RAN: variants seen among roughly 807,000 people sequenced by gnomAD.
The protein encoded by RAN is RAN, member RAS oncogene family.
RAN carries 2 observed loss-of-function variants against 26.8 expected under a neutral mutation model. That is an observed-to-expected ratio of 0.07 (90% CI 0.03 to 0.23). The LOEUF (loss-of-function observed/expected upper bound fraction) is 0.23. Ranked by LOEUF, RAN falls within the 10% of genes least tolerant of loss-of-function variation. The pLI is 1.00. For missense variants in RAN, 56 were observed against 264.8 expected (o/e 0.21, Z 5.47); for synonymous variants, 132 against 95.9 (o/e 1.38, Z -2.20).
intron 4 of RAN, chr12:130,873,925 G>A (rs979105703): frequency 8.8e-6 from 2 of 226,040 alleles, no homozygotes; most frequent in Admixed American, 4.8e-5. Flanking sequence ...AACCTGGAGT[G>A]CAGCTTCCGC....
In RAN at chr12:130,872,094, T is replaced by C. The variant is rs992435428; in HGVS notation, c.-43T>C. ...TTGCGCTTCCGCCATCTTTCCAGCC[T>C]CAGTCGGACGGGCGCGGAGACGCTT... On this transcript the variant is annotated 5_prime_UTR_variant, in exon 1 of 7. Coordinates refer to ENST00000543796, the MANE Select transcript of RAN (RefSeq NM_006325.5). The C allele has an allele frequency of 2.2e-5, 7 of 320,844 alleles. No homozygotes were observed. The highest frequency in any genetic ancestry group is 4.0e-5 in the Non-Finnish European group (6 of 150,808). The allele number at this position is 320,844 out of a possible 1,614,324, so 19.9% of individuals were successfully genotyped here. A position where few individuals can be genotyped will look rare whatever the true frequency, so the allele number is the denominator to read the frequency against.
intron 4 of RAN, chr12:130,873,863 G>T (rs769722193): frequency 3.4e-4 from 60 of 178,376 alleles, no homozygotes; most frequent in Non-Finnish European, 6.2e-4. Flanking sequence ...GCTTTATCTG[G>T]GTTATTTATT....
In RAN at chr12:130,877,230, C is replaced by T. The variant is rs974782192; in HGVS notation, c.*1304C>T. 1.6e-4 allele frequency: 25 copies of T among 152,102 alleles called. No homozygotes were observed. The highest frequency in any genetic ancestry group is 3.2e-4 in the Non-Finnish European group (22 of 67,988). 9.4% of individuals were successfully genotyped at this position (152,102 alleles called of 1,614,324 possible). On this transcript the variant is annotated 3_prime_UTR_variant, in exon 7 of 7. Transcript: ENST00000543796. The stretch of plus-strand genomic sequence containing the variant: ...CTATAGTCCAGTTTACCAAAGTTTT[C>T]TTTAGATGTCTGATAATCTTGAGAT...
rs775629981 is a variant in RAN at position 130,875,868 on chromosome 12, A to G, written c.607-14A>G. The G allele has an allele frequency of 6.2e-6, 10 of 1,613,996 alleles. No individual in the cohort carries two copies. The African/African-American group carries it at 6.7e-5, about 11-fold the overall frequency. On this transcript the variant is annotated splice_polypyrimidine_tract_variant and intron_variant, in intron 6 of 6. Coordinates refer to ENST00000543796, the MANE Select transcript of RAN (RefSeq NM_006325.5). ...TGATCTGGAGTGTTAACGTTTTTCCATCTCTTCGTCTAGGTTGCTCAGACA... is the reference window on the plus strand; with the variant it reads ...TGATCTGGAGTGTTAACGTTTTTCCGTCTCTTCGTCTAGGTTGCTCAGACA...
chr12:130,873,276 T>A (rs1953173524), intron 4 of RAN, 148 bp downstream of exon 4: 1 of 1,062,358 alleles, frequency 9.4e-7, no homozygotes, highest in Non-Finnish European at 1.4e-6. Context: ...GACCACCATT[T>A]TGGTGGCAGA....
rs765138110 is a variant in RAN at position 130,877,156 on chromosome 12, A to G, written c.*1230A>G. On this transcript the variant is annotated 3_prime_UTR_variant, in exon 7 of 7. Transcript: ENST00000543796. ...TTAGGAGTTTGATCCCATCAACACT[A>G]TTCTTGTAGCAGTTAGGAATCTTGA... 3.9e-5 allele frequency: 6 copies of G among 152,052 alleles called. No homozygotes were observed. Among genetic ancestry groups the G allele is most frequent in the Non-Finnish European group, 8.8e-5 (6 of 68,028 alleles). The allele number at this position is 152,052 out of a possible 1,614,324, so 9.4% of individuals were successfully genotyped here.
At position 130,877,204 on chromosome 12, in the gene RAN, A is replaced by G. The variant is rs1381578064; in HGVS notation, c.*1278A>G. ...TGAGCTATTTTTTTCTCATACGATT[A>G]CTATAGTCCAGTTTACCAAAGTTTT... On this transcript the variant is annotated 3_prime_UTR_variant, in exon 7 of 7. Coordinates refer to ENST00000543796, the MANE Select transcript of RAN (RefSeq NM_006325.5). 1 of 152,214 alleles carries G rather than the reference A, an allele frequency of 6.6e-6. No homozygotes were observed. Among genetic ancestry groups the G allele is most frequent in the African/African-American group, 2.4e-5 (1 of 41,452 alleles). The allele number at this position is 152,214 out of a possible 1,614,324, so 9.4% of individuals were successfully genotyped here. A position where few individuals can be genotyped will look rare whatever the true frequency, so the allele number is the denominator to read the frequency against.
chr12:130,872,974 T>G (rs1459227137), intron 3 of RAN, 29 bp from the exon 4 acceptor site: 3 of 1,614,060 alleles, frequency 1.9e-6, no homozygotes, highest in Non-Finnish European at 2.5e-6. Context: ...GGTAAGTTCA[T>G]CCACTCAATC....
intron 1 of RAN, 163 bp from the exon 2 acceptor site, chr12:130,872,421 C>G (rs1953152646): frequency 4.7e-6 from 1 of 211,932 alleles, no homozygotes; most frequent in African/African-American, 2.4e-5. Flanking sequence ...GCCCCGGATG[C>G]CGGCCCCGCC....
At position 130,873,088 on chromosome 12, in the gene RAN, G is replaced by A; in HGVS notation, c.207G>A (p.Gln69=). The A allele has an allele frequency of 1.9e-6, 3 of 1,614,206 alleles. No homozygotes were observed. The highest frequency in any genetic ancestry group is 1.7e-6 in the Non-Finnish European group (2 of 1,180,042). Residue 69 remains glutamine, a synonymous_variant, in exon 4 of 7, where the codon CAG becomes CAA. Transcript: ENST00000543796. ...TCAATGTATGGGACACAGCCGGCCAGGAGAAATTCGGTGGACTGAGAGATG... is the reference window on the plus strand; with the variant it reads ...TCAATGTATGGGACACAGCCGGCCAAGAGAAATTCGGTGGACTGAGAGATG... ...IKFNVWDTAG[Q]EKFGGLRDGY...
chr12:130,872,492 G>A (rs906359601), intron 1 of RAN, 92 bp from the exon 2 acceptor site: 214 of 977,458 alleles, frequency 2.2e-4, no homozygotes, highest in Non-Finnish European at 2.7e-4. Flanking sequence ...GCCTTTGTGG[G>A]GCGGGCACGT....
In RAN at chr12:130,877,294, A is replaced by C. The variant is rs1217501517; in HGVS notation, c.*1368A>C. On this transcript the variant is annotated 3_prime_UTR_variant, in exon 7 of 7. Coordinates refer to ENST00000543796, the MANE Select transcript of RAN (RefSeq NM_006325.5). ...AAAAGGTATAGAAAGGATCACTTAAATATATGGAAAAATGAAATAAGGGTG... is the reference window on the plus strand; with the variant it reads ...AAAAGGTATAGAAAGGATCACTTAACTATATGGAAAAATGAAATAAGGGTG... 1.3e-5 allele frequency: 2 copies of C among 152,206 alleles called. No individual in the cohort carries two copies. The highest frequency in any genetic ancestry group is 2.9e-5 in the Non-Finnish European group (2 of 68,048). 9.4% of individuals were successfully genotyped at this position (152,206 alleles called of 1,614,324 possible).
chr12:130,873,250 T>C, intron 4 of RAN, 122 bp downstream of exon 4: 1 of 1,376,238 alleles, frequency 7.3e-7, no homozygotes, highest in South Asian at 1.4e-5. Flanking sequence ...AAAAGACAAG[T>C]GGACTTCGGG....
At chr12:130,873,188 G>A in intron 4 of RAN, 60 bp downstream of exon 4, 3 of 1,604,910 alleles carry the variant, frequency 1.9e-6, no homozygotes, top group Non-Finnish European at 2.6e-6. Context: ...CAGTCTTCAA[G>A]GTTATAGAAA....
Position 130,876,233 on chromosome 12 carries a change from C to A in RAN, c.*307C>A. The A allele has an allele frequency of 2.8e-6, 1 of 357,722 alleles. No homozygotes were observed. The highest frequency in any genetic ancestry group is 5.1e-6 in the Non-Finnish European group (1 of 196,594). 22.2% of individuals were successfully genotyped at this position (357,722 alleles called of 1,614,324 possible). A position where few individuals can be genotyped will look rare whatever the true frequency, so the allele number is the denominator to read the frequency against. ...AAATCTTGTTTGTTACTGTCATTCC[C>A]ATTCCTTTTCGTTTAGAATCAGAAT... On this transcript the variant is annotated 3_prime_UTR_variant, in exon 7 of 7. Coordinates refer to ENST00000543796, the MANE Select transcript of RAN (RefSeq NM_006325.5).
chr12:130,872,522 A>AGCGGGGCCGCCATGGGCT (rs759231461), intron 1 of RAN, 62 bp from the exon 2 acceptor site: 4 of 1,238,156 alleles, frequency 3.2e-6, no homozygotes, highest in South Asian at 2.7e-5. Flanking sequence ...GGGGCGCGGG[A>AGCGGGGCCGCCATGGGCT]GCGGGGCCGC....
chr12:130,874,826 G>T (rs1338508740), intron 5 of RAN, 93 bp downstream of exon 5: 10 of 1,140,860 alleles, frequency 8.8e-6, no homozygotes, highest in Non-Finnish European at 1.2e-5. Context: ...ATATGGAAAT[G>T]ATTTTTTTTT....
At chr12:130,872,390 C>A in intron 1 of RAN, 194 bp from the exon 2 acceptor site, 1 of 165,838 alleles carries the variant, frequency 6.0e-6, no homozygotes, top group South Asian at 1.9e-4. Flanking sequence ...CACCTCCGGC[C>A]GCCGTTCCCC....
intron 4 of RAN, 43 bp from the exon 5 acceptor site, chr12:130,874,503 T>C (rs1355255065): frequency 1.4e-6 from 2 of 1,435,644 alleles, no homozygotes; most frequent in South Asian, 2.5e-5. Flanking sequence ...TCTTCACTTG[T>C]GCAGTAAACT....
Sources: gnomAD v4.1 joint callset for allele counts on GRCh38, gnomAD v4.1.1 for gene constraint, MANE v1.5 for transcripts, NCBI Gene and HGNC (gene_info 2026-07-23, HGNC 2026-07-21) for gene names.